RAB3C: variants seen among roughly 807,000 people sequenced by gnomAD.
RAB3C encodes the protein RAB3C, member RAS oncogene family.
RAB3C carries 17 observed loss-of-function variants against 26.4 expected under a neutral mutation model. The ratio of observed to expected loss-of-function variants is 0.64; its 90% CI spans 0.44 to 0.97. The LOEUF (loss-of-function observed/expected upper bound fraction) is 0.97. Ranked by LOEUF, RAB3C falls within the 50% of genes least tolerant of loss-of-function variation. RAB3C has a pLI of 0.00. For synonymous variants in RAB3C, 91 were observed against 95.9 expected (o/e 0.95, Z 0.30); for missense variants, 242 against 281.9 (o/e 0.86, Z 1.01).
In RAB3C at chr5:58,792,769, TTG is replaced by T. The variant is rs987019600; in HGVS notation, c.372-32255_372-32254del. On this transcript the variant is annotated intron_variant, in intron 3 of 4. Transcript: ENST00000282878. ...AGTAAAAATCTTCTTTTACTGAACT[TTG>T]TGTGTGTGTGTGTATGTGTATATAT... Among the ~76,000 whole-genome samples, 19 of 151,170 alleles carry T rather than the reference TTG, an allele frequency of 1.3e-4. No homozygotes were observed. In the South Asian group the frequency reaches 3.1e-3, roughly 25 times the overall value.
chr5:58,619,543 G>A (rs1579820774), intron 2 of RAB3C, among the ~76,000 whole-genome samples: 1 of 152,128 alleles, frequency 6.6e-6, no homozygotes, highest in East Asian at 1.9e-4. Context: ...CCATGACAAT[G>A]TTCTTTTTAC....
chr5:58,750,557 A>ATGTTTTCT (rs1741500697), intron 3 of RAB3C, among the ~76,000 whole-genome samples: 1 of 152,234 alleles, frequency 6.6e-6, no homozygotes, highest in Non-Finnish European at 1.5e-5. Context: ...GTCATTAGAA[A>ATGTTTTCT]ACATTGAAAC....
intron 3 of RAB3C, among the ~76,000 whole-genome samples, chr5:58,792,363 C>T (rs1742543805): frequency 6.6e-6 from 1 of 152,180 alleles, no homozygotes; most frequent in Non-Finnish European, 1.5e-5. Flanking sequence ...ACCTTTTCCT[C>T]ATGCAGTAAT....
Position 58,662,284 on chromosome 5 carries a change from C to T in RAB3C, c.252+44414C>T, listed in dbSNP as rs1052344230. On this transcript the variant is annotated intron_variant, in intron 2 of 4. Coordinates refer to ENST00000282878, the MANE Select transcript of RAB3C (RefSeq NM_138453.4). ...GAGCCCATGGAGACAGGAAAGGAGGCGGCAGAAATAGAGGGGTGTGCTGTT... is the reference window on the plus strand; with the variant it reads ...GAGCCCATGGAGACAGGAAAGGAGGTGGCAGAAATAGAGGGGTGTGCTGTT... Among the ~76,000 whole-genome samples the T allele has an allele frequency of 6.0e-5, 9 of 149,850 alleles. 1 individual carries two copies. Among genetic ancestry groups the T allele is most frequent in the South Asian group, 2.1e-4 (1 of 4,806 alleles).
chr5:58,782,474 C>T (rs1222370358), intron 3 of RAB3C, among the ~76,000 whole-genome samples: 3 of 152,136 alleles, frequency 2.0e-5, no homozygotes, highest in Admixed American at 1.3e-4. Flanking sequence ...TGTGAATACT[C>T]ATTATGCCCA....
intron 1 of RAB3C, among the ~76,000 whole-genome samples, chr5:58,596,570 AAT>A (rs1397185847): frequency 8.1e-6 from 1 of 123,526 alleles, no homozygotes; most frequent in Non-Finnish European, 1.6e-5. Context: ...ATTATATATA[AAT>A]ATATAATACT....
chr5:58,756,337 C>T (rs1413959057), intron 3 of RAB3C, among the ~76,000 whole-genome samples: 1 of 132,660 alleles, frequency 7.5e-6, no homozygotes, highest in East Asian at 2.0e-4. Context: ...ATATATATAA[C>T]ATATATATGT....
chr5:58,701,653 G>C (rs1266781137), intron 2 of RAB3C, among the ~76,000 whole-genome samples: 2 of 152,128 alleles, frequency 1.3e-5, no homozygotes, highest in Non-Finnish European at 2.9e-5. Context: ...CTGTAGGGGA[G>C]AATCCACTTC....
chr5:58,769,205 G>C (rs1741975119), intron 3 of RAB3C, among the ~76,000 whole-genome samples: 1 of 152,086 alleles, frequency 6.6e-6, no homozygotes, highest in Non-Finnish European at 1.5e-5. Flanking sequence ...GGTGAAGGTA[G>C]AGATAGCAGT....
intron 3 of RAB3C, among the ~76,000 whole-genome samples, chr5:58,759,693 C>G (rs924145329): frequency 9.9e-5 from 15 of 152,108 alleles, no homozygotes; most frequent in African/African-American, 3.6e-4. Context: ...TTGCTGATGC[C>G]TTTAACTAGA....
chr5:58,849,820 TA>T (rs2112089758), intron 4 of RAB3C, among the ~76,000 whole-genome samples: 1 of 152,362 alleles, frequency 6.6e-6, no homozygotes, highest in Admixed American at 6.5e-5. Flanking sequence ...GCTTCAATAC[TA>T]TTTAAGAAAA....
At chr5:58,656,067 G>A (rs546050557) in intron 2 of RAB3C, among the ~76,000 whole-genome samples, 17 of 152,164 alleles carry the variant, frequency 1.1e-4, no homozygotes, top group Admixed American at 3.3e-4. Flanking sequence ...TTACAAGCGT[G>A]AGCCACCGCG....
At chr5:58,829,276 A>G (rs1328685022) in intron 4 of RAB3C, among the ~76,000 whole-genome samples, 16 of 152,288 alleles carry the variant, frequency 1.1e-4, no homozygotes, top group South Asian at 6.2e-4. Context: ...TAAATTCTAT[A>G]TTAAATTTAT....
chr5:58,684,459 A>G (rs1748405612), intron 2 of RAB3C, among the ~76,000 whole-genome samples: 1 of 152,184 alleles, frequency 6.6e-6, no homozygotes, highest in African/African-American at 2.4e-5. Context: ...AACTTAGGTT[A>G]TGGGGTGCCA....
intron 2 of RAB3C, among the ~76,000 whole-genome samples, chr5:58,703,135 C>T (rs1042045749): frequency 6.6e-6 from 1 of 152,072 alleles, no homozygotes; most frequent in South Asian, 2.1e-4. Context: ...TATTTGGCAG[C>T]CAAATTTGGA....
intron 2 of RAB3C, among the ~76,000 whole-genome samples, chr5:58,623,928 C>T (rs191281045): frequency 6.6e-6 from 1 of 152,196 alleles, no homozygotes; most frequent in Admixed American, 6.5e-5. Context: ...CTTCCATTTC[C>T]TCGTTTATGT....
At chr5:58,719,165 A>AAT (rs1348313343) in intron 2 of RAB3C, among the ~76,000 whole-genome samples, 2 of 152,002 alleles carry the variant, frequency 1.3e-5, no homozygotes, top group Non-Finnish European at 2.9e-5. Context: ...AACAGAAACT[A>AAT]ATATATATTT....
intron 3 of RAB3C, among the ~76,000 whole-genome samples, chr5:58,808,348 G>C (rs1056614043): frequency 1.3e-5 from 2 of 151,884 alleles, no homozygotes; most frequent in African/African-American, 4.8e-5. Flanking sequence ...AAAAGTTGCA[G>C]AAAGAATAAA....
At chr5:58,671,066 AC>A (rs1561284617) in intron 2 of RAB3C, among the ~76,000 whole-genome samples, 2 of 152,088 alleles carry the variant, frequency 1.3e-5, no homozygotes, top group East Asian at 1.9e-4. Context: ...AGATTGAATT[AC>A]TTACCTCTCA....
Sources: allele counts gnomAD v4.1 joint callset (sites outside exome capture counted in the v4.1 genomes callset), GRCh38; gene constraint gnomAD v4.1.1; transcripts MANE v1.5; gene names NCBI Gene and HGNC (gene_info 2026-07-23, HGNC 2026-07-21).